Variants in BCAT1 observed in about 807,000 individuals in gnomAD.
BCAT1 encodes the protein branched chain amino acid transaminase 1.
Under a neutral mutation model 52.4 loss-of-function variants are expected in BCAT1, and 48 were observed. The ratio of observed to expected loss-of-function variants is 0.92; its 90% CI spans 0.73 to 1.16. The LOEUF (loss-of-function observed/expected upper bound fraction) is 1.16. BCAT1 is among the 50% of genes most tolerant of loss of function. BCAT1 has a pLI of 0.00. For missense variants in BCAT1, 451 were observed against 457.1 expected, an observed-to-expected ratio of 0.99 and a Z score of 0.12; for synonymous variants, 167 against 161.3, an observed-to-expected ratio of 1.04 and a Z score of -0.27.
chr12:24,836,793 GGAAGGAAGGAAA>G (rs1450542934), intron 7 of BCAT1, among the ~76,000 whole-genome samples, 197 bp from the exon 8 acceptor site: 6 of 115,040 alleles, frequency 5.2e-5, no homozygotes, highest in Non-Finnish European at 1.1e-4. Flanking sequence ...GAAGAAAGAA[GGAAGGAAGGAAA>G]GAAGGAAGGA....
chr12:24,849,673 A>G, intron 6 of BCAT1, 113 bp downstream of exon 6: 1 of 1,168,972 alleles, frequency 8.6e-7, no homozygotes, highest in Non-Finnish European at 1.2e-6. Context: ...CATGAAACAC[A>G]ATGAGCATTA....
Position 24,814,545 on chromosome 12 carries a change from T to C in BCAT1, c.*3463A>G, listed in dbSNP as rs1939800897. The C allele has an allele frequency of 6.6e-6, 1 of 152,142 alleles. No homozygotes were observed. 9.4% of individuals were successfully genotyped at this position (152,142 alleles called of 1,614,324 possible). On this transcript the variant is annotated 3_prime_UTR_variant, in exon 11 of 11. Transcript: ENST00000261192. ...AGCAGAACTGAAACTGTAGCTTTAA[T>C]AAAAAGCTCCAACAATTCTTTTGAC...
chr12:24,936,243 C>G (rs1565505809), intron 1 of BCAT1, among the ~76,000 whole-genome samples: 2 of 152,098 alleles, frequency 1.3e-5, no homozygotes, highest in African/African-American at 4.8e-5. Flanking sequence ...CAAAATTATT[C>G]TTTTTTTCTG....
At chr12:24,938,024 C>T (rs1943790521) in intron 1 of BCAT1, among the ~76,000 whole-genome samples, 1 of 152,108 alleles carries the variant, frequency 6.6e-6, no homozygotes, top group African/African-American at 2.4e-5. Flanking sequence ...GGGGAATGGG[C>T]CATCCACATG....
intron 1 of BCAT1, among the ~76,000 whole-genome samples, chr12:24,947,504 T>G (rs1431508997): frequency 6.6e-6 from 1 of 152,178 alleles, no homozygotes; most frequent in Non-Finnish European, 1.5e-5. Context: ...AAGAGATAAG[T>G]GGAAAGATGT....
chr12:24,908,190 C>CT, intron 1 of BCAT1, among the ~76,000 whole-genome samples: 1 of 152,262 alleles, frequency 6.6e-6, no homozygotes, highest in East Asian at 1.9e-4. Flanking sequence ...TTTCTTCTTC[C>CT]TTTTTTCCTA....
chr12:24,816,290 C>A lies in BCAT1; in HGVS notation c.*1718G>T. On this transcript the variant is annotated 3_prime_UTR_variant, in exon 11 of 11. Coordinates refer to ENST00000261192, the MANE Select transcript of BCAT1 (RefSeq NM_005504.7). Reference sequence around the variant, plus strand: ...AACTTTTAGAATCCTTTTTATTTTCCTTCTCTGAAAAGAGAATAAAATATG... The same window carrying A: ...AACTTTTAGAATCCTTTTTATTTTCATTCTCTGAAAAGAGAATAAAATATG... 1 of 384,182 alleles carries A rather than the reference C, an allele frequency of 2.6e-6. No individual in the cohort carries two copies. Among genetic ancestry groups the A allele is most frequent in the Non-Finnish European group, 4.6e-6 (1 of 217,548 alleles). 23.8% of individuals were successfully genotyped at this position (384,182 alleles called of 1,614,324 possible). A position where few individuals can be genotyped will look rare whatever the true frequency, so the allele number is the denominator to read the frequency against.
chr12:24,906,546 A>G (rs1476506302), intron 1 of BCAT1, among the ~76,000 whole-genome samples: 1 of 152,206 alleles, frequency 6.6e-6, no homozygotes, highest in East Asian at 1.9e-4. Context: ...GCAACACTTC[A>G]TGTTTGTCAA....
At chr12:24,919,130 AAGAG>A (rs1396807400) in intron 1 of BCAT1, among the ~76,000 whole-genome samples, 1 of 152,270 alleles carries the variant, frequency 6.6e-6, no homozygotes, top group Non-Finnish European at 1.5e-5. Context: ...TAGAGACAGA[AAGAG>A]AGACAGAGCA....
intron 4 of BCAT1, 117 bp downstream of exon 4, chr12:24,881,184 G>A: frequency 1.4e-6 from 1 of 735,290 alleles, no homozygotes; most frequent in Non-Finnish European, 2.2e-6. Context: ...TAATGTTAAT[G>A]TTCATATGGT....
intron 8 of BCAT1, chr12:24,834,541 G>T: frequency 1.0e-6 from 1 of 972,634 alleles, no homozygotes; most frequent in Non-Finnish European, 1.2e-6. Context: ...AAAAAAATAA[G>T]ATGAGTATTT....
At chr12:24,843,636 G>A (rs1030881546) in intron 6 of BCAT1, among the ~76,000 whole-genome samples, 1 of 152,106 alleles carries the variant, frequency 6.6e-6, no homozygotes, top group Non-Finnish European at 1.5e-5. Flanking sequence ...AGAGCCACAT[G>A]TTAGTGTATA....
At chr12:24,851,327 A>G (rs1941504314) in intron 5 of BCAT1, among the ~76,000 whole-genome samples, 1 of 152,178 alleles carries the variant, frequency 6.6e-6, no homozygotes, top group Non-Finnish European at 1.5e-5. Context: ...GTGGCTTTGT[A>G]ATGTTTCTGG....
chr12:24,919,513 G>A (rs1875092), intron 1 of BCAT1, among the ~76,000 whole-genome samples: 98,369 of 151,956 alleles, frequency 0.65, 36,084 homozygotes, highest in Non-Finnish European at 0.84. Context: ...CCTGAACCTC[G>A]GCCTCCTCCC....
At chr12:24,946,930 C>T (rs1475500408) in intron 1 of BCAT1, among the ~76,000 whole-genome samples, 1 of 152,130 alleles carries the variant, frequency 6.6e-6, no homozygotes, top group Non-Finnish European at 1.5e-5. Flanking sequence ...CCCCTTTTCT[C>T]TCTGTAGTTC....
At chr12:24,929,911 A>G (rs1337083587) in intron 1 of BCAT1, among the ~76,000 whole-genome samples, 1 of 152,188 alleles carries the variant, frequency 6.6e-6, no homozygotes. Flanking sequence ...CTGTCAGTTT[A>G]CTTCATAAAC....
In BCAT1 at chr12:24,878,962, C is replaced by A. The variant is rs182960151; in HGVS notation, c.391-313G>T. On this transcript the variant is annotated intron_variant, in intron 4 of 10. Coordinates refer to ENST00000261192, the MANE Select transcript of BCAT1 (RefSeq NM_005504.7). ...AAACAATTTTTTCTGATTTTCCCCC[C>A]AAAAATTGTGATGGGATGACGAGCT... Among the ~76,000 whole-genome samples the A allele has an allele frequency of 6.5e-3, 985 of 152,006 alleles. 8 individuals are homozygous for A. The highest frequency in any genetic ancestry group is 0.048 in the Middle Eastern group (14 of 292).
intron 1 of BCAT1, among the ~76,000 whole-genome samples, chr12:24,943,791 T>C (rs921324746): frequency 2.4e-4 from 36 of 151,890 alleles, no homozygotes; most frequent in Admixed American, 7.9e-4. Context: ...AAGACCTTCC[T>C]GGCTAACATG....
At chr12:24,866,486 T>G (rs1942015809) in intron 5 of BCAT1, among the ~76,000 whole-genome samples, 1 of 152,100 alleles carries the variant, frequency 6.6e-6, no homozygotes, top group South Asian at 2.1e-4. Flanking sequence ...GGAGTGCGGG[T>G]GCACGGCGCG....
Sources: allele counts gnomAD v4.1 joint callset (sites outside exome capture counted in the v4.1 genomes callset), GRCh38; gene constraint gnomAD v4.1.1; transcripts MANE v1.5; gene names NCBI Gene and HGNC (gene_info 2026-07-23, HGNC 2026-07-21).